The following CPEB3 variants were observed in gnomAD, a reference collection of about 807,000 sequenced individuals.
CPEB3 encodes cytoplasmic polyadenylation element-binding protein 3.
Under a neutral mutation model 67.2 loss-of-function variants are expected in CPEB3, and 20 were observed. The ratio of observed to expected loss-of-function variants is 0.30; its 90% confidence interval spans 0.21 to 0.43. The LOEUF (loss-of-function observed/expected upper bound fraction) is 0.43, where lower values mean the gene tolerates loss of function less well. CPEB3 is among the 20% of genes least tolerant of loss of function. CPEB3 has a pLI of 1.00. For missense variants in CPEB3, 746 were observed against 968.6 expected, an observed-to-expected ratio of 0.77 and a Z score of 3.05; for synonymous variants, 376 against 393.1, an observed-to-expected ratio of 0.96 and a Z score of 0.51.
intron 6 of CPEB3, among the ~76,000 whole-genome samples, chr10:92,122,925 T>C (rs1343600989): frequency 6.6e-6 from 1 of 152,222 alleles, no homozygotes; most frequent in Non-Finnish European, 1.5e-5. Context: ...AACACTCTGC[T>C]TAGATTCAGA....
chr10:92,164,119 C>A (rs1214862480), intron 4 of CPEB3, among the ~76,000 whole-genome samples: 1 of 152,120 alleles, frequency 6.6e-6, no homozygotes, highest in Non-Finnish European at 1.5e-5. Context: ...GATAATTTAT[C>A]ATGTTCCAGG....
At chr10:92,136,202 C>T (rs1049651915) in intron 6 of CPEB3, among the ~76,000 whole-genome samples, 7 of 151,532 alleles carry the variant, frequency 4.6e-5, no homozygotes, top group South Asian at 4.2e-4. Flanking sequence ...AACTATGAAA[C>T]TACTAAAAGA....
rs1841896163 is a variant in CPEB3, at chr10:92,051,613, A to C, written c.*599T>G. 6.6e-6 allele frequency: 1 copy of C among 152,610 alleles called. No homozygotes were observed. Among genetic ancestry groups the C allele is most frequent in the Admixed American group, 6.5e-5 (1 of 15,284 alleles). The allele number at this position is 152,610 out of a possible 1,614,324, so 9.5% of individuals were successfully genotyped here. A position where few individuals can be genotyped will look rare whatever the true frequency, so the allele number is the denominator to read the frequency against. ...AAATCAAACATGAAGGAAAAATAAA[A>C]GATCCAGCTTATGAGGTATCCTTAC... is the stretch of plus-strand genomic sequence containing the variant. On this transcript the variant is annotated 3_prime_UTR_variant, in exon 10 of 10. Transcript: ENST00000265997.
chr10:92,248,233 T>A (rs1852149222), intron 1 of CPEB3, among the ~76,000 whole-genome samples: 1 of 152,258 alleles, frequency 6.6e-6, no homozygotes, highest in African/African-American at 2.4e-5. Flanking sequence ...TAATACCTAA[T>A]ACAATGTAAG....
chr10:92,182,764 T>C (rs1474106207), intron 3 of CPEB3, among the ~76,000 whole-genome samples: 1 of 145,766 alleles, frequency 6.9e-6, no homozygotes, highest in Non-Finnish European at 1.5e-5. Context: ...ATGTGGAGGT[T>C]GCAGTGAGCC....
intron 1 of CPEB3, among the ~76,000 whole-genome samples, chr10:92,281,933 A>T (rs1433959982): frequency 6.6e-6 from 1 of 152,202 alleles, no homozygotes; most frequent in Admixed American, 6.5e-5. Flanking sequence ...TACTATTATG[A>T]AATAGTCTTG....
chr10:92,243,802 A>T (rs1474594351), intron 1 of CPEB3, among the ~76,000 whole-genome samples: 1 of 152,242 alleles, frequency 6.6e-6, no homozygotes, highest in Non-Finnish European at 1.5e-5. Context: ...ATGTGATATC[A>T]ACCTTAGAGG....
At chr10:92,210,772 TCATGC>T (rs1237367678) in intron 2 of CPEB3, among the ~76,000 whole-genome samples, 13 of 151,382 alleles carry the variant, frequency 8.6e-5, no homozygotes, top group African/African-American at 1.7e-4. Flanking sequence ...GCGTGGTGGC[TCATGC>T]CTGTAATCCC....
chr10:92,059,721 T>C (rs1453976800), intron 9 of CPEB3, among the ~76,000 whole-genome samples: 1 of 151,910 alleles, frequency 6.6e-6, no homozygotes, highest in Non-Finnish European at 1.5e-5. Flanking sequence ...AAGATTCAAA[T>C]AAATAAAATC....
intron 6 of CPEB3, among the ~76,000 whole-genome samples, chr10:92,115,436 G>T (rs1362811956): frequency 6.6e-6 from 1 of 152,226 alleles, no homozygotes; most frequent in African/African-American, 2.4e-5. Flanking sequence ...ACAGGCGTAA[G>T]CCACTGCACC....
chr10:92,124,187 C>T (rs1054136192), intron 6 of CPEB3, among the ~76,000 whole-genome samples: 1 of 152,216 alleles, frequency 6.6e-6, no homozygotes, highest in African/African-American at 2.4e-5. Context: ...GGTCATAGCA[C>T]AGTGTGTACT....
intron 8 of CPEB3, among the ~76,000 whole-genome samples, chr10:92,086,195 GA>G (rs1843365307): frequency 6.6e-6 from 1 of 152,192 alleles, no homozygotes; most frequent in African/African-American, 2.4e-5. Flanking sequence ...GGACAAAACA[GA>G]TAGGCAAGAG....
chr10:92,262,004 T>C (rs1398521804), intron 1 of CPEB3, among the ~76,000 whole-genome samples: 1 of 152,222 alleles, frequency 6.6e-6, no homozygotes, highest in African/African-American at 2.4e-5. Flanking sequence ...TGCAGACTGG[T>C]ATCCTCAGCC....
chr10:92,246,510 AC>A (rs1436320029), intron 1 of CPEB3, among the ~76,000 whole-genome samples: 2 of 150,864 alleles, frequency 1.3e-5, no homozygotes, highest in Non-Finnish European at 3.0e-5. Flanking sequence ...TAGGATGTCA[AC>A]TTTTTTTTTT....
intron 9 of CPEB3, among the ~76,000 whole-genome samples, chr10:92,070,517 C>T (rs1842712225): frequency 6.6e-6 from 1 of 152,166 alleles, no homozygotes. Context: ...TGGCTCACAC[C>T]TGTAATCCCA....
intron 1 of CPEB3, among the ~76,000 whole-genome samples, chr10:92,269,079 TG>T (rs1210957454): frequency 1.3e-5 from 2 of 152,290 alleles, no homozygotes; most frequent in African/African-American, 4.8e-5. Flanking sequence ...GCTGGATCTT[TG>T]TACCCTGCAT....
intron 9 of CPEB3, among the ~76,000 whole-genome samples, chr10:92,076,802 A>C (rs1489401523): frequency 6.6e-6 from 1 of 151,116 alleles, no homozygotes; most frequent in Non-Finnish European, 1.5e-5. Flanking sequence ...AGAAGGAGAA[A>C]GAGGAGGAGG....
At chr10:92,097,914 C>T (rs1843957410) in intron 7 of CPEB3, among the ~76,000 whole-genome samples, 1 of 152,038 alleles carries the variant, frequency 6.6e-6, no homozygotes, top group Non-Finnish European at 1.5e-5. Flanking sequence ...GTAATCCCAG[C>T]ACTTTGGGAG....
chr10:92,120,229 G>C (rs879933662), intron 6 of CPEB3, among the ~76,000 whole-genome samples: 5 of 151,004 alleles, frequency 3.3e-5, no homozygotes, highest in Non-Finnish European at 7.4e-5. Context: ...GGCTAACACG[G>C]TTAAACCCTG....
Sources: gnomAD v4.1 joint callset for allele counts (sites outside exome capture counted in the v4.1 genomes callset) on GRCh38, gnomAD v4.1.1 for gene constraint, MANE v1.5 for transcripts, NCBI Gene and HGNC (gene_info 2026-07-23, HGNC 2026-07-21) for gene names.